The following TULP2 variants were observed in gnomAD, a reference collection of about 807,000 sequenced individuals.
The protein encoded by TULP2 is TUB like protein 2.
TULP2 carries 64 observed loss-of-function variants against 60.3 expected under a neutral mutation model. That is an observed-to-expected ratio of 1.06 (90% CI 0.87 to 1.31). The LOEUF is 1.31. TULP2 is among the 50% of genes most tolerant of loss of function. The probability of loss-of-function intolerance (pLI) is 0.00; values close to 1 mark genes in which losing one functional copy is unlikely to be tolerated. For synonymous variants in TULP2, 267 were observed against 265.4 expected, an observed-to-expected ratio of 1.01 and a Z score of -0.06; for missense variants, 652 against 667.0, an observed-to-expected ratio of 0.98 and a Z score of 0.25.
rs773210999 is a variant in TULP2, at chr19:48,884,006, C to G, written c.1102G>C (p.Gly368Arg). 6.2e-7 allele frequency: 1 copy of G among 1,614,116 alleles called. No homozygotes were observed. The highest frequency in any genetic ancestry group is 1.1e-5 in the South Asian group (1 of 91,076). ...FSTKFTIFDN[G>R]VNPDREHLTR... ...AAATGCTCCCGGTCAGGATTCACCC[C>G]ATTGTCAAAGATGGTGAACTTGGTG... The change falls in exon 10 of 13, where the codon GGG (glycine) becomes CGG (arginine). Residue 368 changes from glycine to arginine, a missense_variant. Gly to Arg is a moderately radical substitution (Grantham distance 125). Coordinates refer to ENST00000221399, the MANE Select transcript of TULP2 (RefSeq NM_003323.3).
Position 48,880,991 on chromosome 19 carries a change from A to C in TULP2, c.*20T>G. On this transcript the variant is annotated 3_prime_UTR_variant, in exon 13 of 13. Transcript: ENST00000221399. ...CTGGCAAGGGTATGGTATTTTATTGAGTTATTCAACAGCCAGCTTCTAATT... is the reference window on the plus strand; with the variant it reads ...CTGGCAAGGGTATGGTATTTTATTGCGTTATTCAACAGCCAGCTTCTAATT... 8 of 1,594,234 alleles carry C rather than the reference A, an allele frequency of 5.0e-6. No homozygotes were observed. The highest frequency in any genetic ancestry group is 6.9e-6 in the Non-Finnish European group (8 of 1,162,234).
rs2037265201 is a variant in TULP2, at chr19:48,895,004, G to A, written c.508C>T (p.Arg170Ter). The A allele has an allele frequency of 6.2e-7, 1 of 1,612,162 alleles. No individual in the cohort carries two copies. The highest frequency in any genetic ancestry group is 8.5e-7 in the Non-Finnish European group (1 of 1,179,398). Reference protein sequence around the residue: ...IRRKGWQAHQRPGTRAEGESD... With the variant: ...IRRKGWQAHQ ...CCAATGTCCCCTAAATTACCAGGTC[G>A]TTGGTGGGCTTGCCAACCCTTGCGT... is the stretch of plus-strand genomic sequence containing the variant. Residue 170 changes from arginine (R) to a stop codon, truncating the protein, a stop_gained, in exon 6 of 13, where the codon CGA becomes TGA. Transcript: ENST00000221399. LOFTEE classifies it high-confidence loss of function.
At chr19:48,896,407 C>T (rs776582681) in intron 4 of TULP2, 23 bp downstream of exon 4, 28 of 1,576,470 alleles carry the variant, frequency 1.8e-5, no homozygotes, top group Non-Finnish European at 2.1e-5. Context: ...TCCAGGCGAA[C>T]GCCCCCAGGG....
intron 8 of TULP2, among the ~76,000 whole-genome samples, chr19:48,887,233 G>A (rs1200535748): frequency 2.1e-5 from 3 of 144,972 alleles, no homozygotes; most frequent in Non-Finnish European, 3.0e-5. Context: ...GGCTGGTCTC[G>A]AACTCCTGAC....
intron 11 of TULP2, 143 bp downstream of exon 11, chr19:48,883,611 A>T: frequency 1.3e-6 from 1 of 783,254 alleles, no homozygotes; most frequent in Non-Finnish European, 2.1e-6. Context: ...ATGGAAGGCT[A>T]ACAAAGTCCT....
At chr19:48,890,517 TTGTCTC>T (rs2037223134) in intron 6 of TULP2, among the ~76,000 whole-genome samples, 1 of 152,210 alleles carries the variant, frequency 6.6e-6, no homozygotes, top group African/African-American at 2.4e-5. Flanking sequence ...TCTCTATACT[TTGTCTC>T]TGTGTCTTTT....
chr19:48,885,147 C>T (rs1257825398), intron 9 of TULP2, among the ~76,000 whole-genome samples: 1 of 151,954 alleles, frequency 6.6e-6, no homozygotes, highest in Non-Finnish European at 1.5e-5. Flanking sequence ...GTGATCCTCC[C>T]GCCTCTGCCT....
At position 48,896,440 on chromosome 19, in the gene TULP2, T is replaced by C. The variant is rs2037282101; in HGVS notation, c.201A>G (p.Leu67=). ...WRSCLREERL[L]GDRGLGNPFL... Reference sequence around the variant, plus strand: ...GGGGTCTTTGGTCACCTCTGTCACCTAAAAGGCGCTCCTCCCGCAGACAAG... The same window carrying C: ...GGGGTCTTTGGTCACCTCTGTCACCCAAAAGGCGCTCCTCCCGCAGACAAG... Residue 67 remains leucine (L), a synonymous_variant, in exon 4 of 13, where the codon TTA becomes TTG. Transcript: ENST00000221399. The C allele has an allele frequency of 6.2e-7, 1 of 1,608,290 alleles. No homozygotes were observed.
chr19:48,886,797 C>G (rs2037183341), intron 8 of TULP2, among the ~76,000 whole-genome samples: 1 of 151,614 alleles, frequency 6.6e-6, no homozygotes, highest in South Asian at 2.1e-4. Context: ...AGATCTCCAC[C>G]TCCTGGACTC....
intron 8 of TULP2, 31 bp downstream of exon 8, chr19:48,887,919 C>T (rs2037196507): frequency 6.3e-7 from 1 of 1,593,274 alleles, no homozygotes; most frequent in African/African-American, 1.3e-5. Context: ...TGGGGGCTTA[C>T]TCCCAAAGCT....
At chr19:48,896,399 C>T (rs200979857) in intron 4 of TULP2, 31 bp downstream of exon 4, 31 of 1,572,082 alleles carry the variant, frequency 2.0e-5, no homozygotes, top group Admixed American at 1.5e-4. Context: ...CCCTCCCCTC[C>T]AGGCGAACGC....
chr19:48,889,094 A>G (rs1471812307), intron 7 of TULP2, among the ~76,000 whole-genome samples: 1 of 150,526 alleles, frequency 6.6e-6, no homozygotes, highest in Non-Finnish European at 1.5e-5. Context: ...CTCCTGCCTC[A>G]GCCTCCTGAG....
At position 48,897,784 on chromosome 19, in the gene TULP2, G is replaced by A. The variant is rs2037295577; in HGVS notation, c.32+53C>T. The A allele has an allele frequency of 1.6e-5, 26 of 1,596,772 alleles. No individual in the cohort carries two copies. Among genetic ancestry groups the A allele is most frequent in the Non-Finnish European group, 2.1e-5 (24 of 1,165,322 alleles). On this transcript the variant is annotated intron_variant, in intron 2 of 12. Transcript: ENST00000221399. This position sits in a 1 kb window ranked among gnomAD's most constrained non-coding sequence, Gnocchi z 4.0. The stretch of plus-strand genomic sequence containing the variant: ...GTTATGAAGCCAGAGCCGAGTGCAC[G>A]GGGTCCCCAGCCCTTTCCACCTCCA...
At chr19:48,892,229 G>T (rs2037239655) in intron 6 of TULP2, among the ~76,000 whole-genome samples, 1 of 152,218 alleles carries the variant, frequency 6.6e-6, no homozygotes, top group South Asian at 2.1e-4. Context: ...CATATCTCAG[G>T]CTGTCTCAGT....
At chr19:48,887,513 G>A (rs2037192234) in intron 8 of TULP2, among the ~76,000 whole-genome samples, 1 of 150,934 alleles carries the variant, frequency 6.6e-6, no homozygotes, top group African/African-American at 2.4e-5. Flanking sequence ...TTGTAAAGAC[G>A]GGGTTTTGCC....
In TULP2 at chr19:48,897,461, C is replaced by T; in HGVS notation, c.33-65G>A. On this transcript the variant is annotated intron_variant, in intron 2 of 12. Coordinates refer to ENST00000221399, the MANE Select transcript of TULP2 (RefSeq NM_003323.3). This position sits in a 1 kb window ranked among gnomAD's most constrained non-coding sequence, Gnocchi z 4.0. ...ACCTCGGTTGCCCAAGAGAGTCCCTCCTTCCCCCATCCTGCCCCTATCTCA... is the reference window on the plus strand; with the variant it reads ...ACCTCGGTTGCCCAAGAGAGTCCCTTCTTCCCCCATCCTGCCCCTATCTCA... 2 of 1,543,672 alleles carry T rather than the reference C, an allele frequency of 1.3e-6. No individual in the cohort carries two copies. The highest frequency in any genetic ancestry group is 8.9e-7 in the Non-Finnish European group (1 of 1,124,848).
intron 6 of TULP2, among the ~76,000 whole-genome samples, chr19:48,891,791 T>C (rs1283865187): frequency 1.3e-5 from 2 of 152,172 alleles, no homozygotes; most frequent in African/African-American, 2.4e-5. Flanking sequence ...TATTGATCAC[T>C]ATCTTTACTA....
At position 48,897,357 on chromosome 19, in the gene TULP2, C is replaced by T; in HGVS notation, c.72G>A (p.Lys24=). ...GHELAAMRLQ[K]LEQQRRLFEK... is the part of the protein sequence containing the mutation. The stretch of plus-strand genomic sequence containing the variant: ...CTGGGCACAATACCTGCTGTTCCAG[C>T]TTCTGCAGCCTCATAGCAGCGAGCT... Residue 24 remains lysine, a synonymous_variant, in exon 3 of 13, where the codon AAG becomes AAA. Coordinates refer to ENST00000221399, the MANE Select transcript of TULP2 (RefSeq NM_003323.3). This position sits in a 1 kb window ranked among gnomAD's most constrained non-coding sequence, Gnocchi z 4.0. The T allele has an allele frequency of 6.2e-7, 1 of 1,613,794 alleles. No individual in the cohort carries two copies.
At chr19:48,885,089 C>T (rs1167927483) in intron 9 of TULP2, among the ~76,000 whole-genome samples, 3 of 151,620 alleles carry the variant, frequency 2.0e-5, no homozygotes, top group South Asian at 2.1e-4. Context: ...TTGGTAGAGA[C>T]GGGGTTTCAC....
Sources: allele counts gnomAD v4.1 joint callset (sites outside exome capture counted in the v4.1 genomes callset), GRCh38; gene constraint gnomAD v4.1.1; non-coding constraint Gnocchi (gnomAD v3.1); transcripts MANE v1.5; gene names NCBI Gene and HGNC (gene_info 2026-07-23, HGNC 2026-07-21).